Variants in B3GLCT observed in about 807,000 individuals in gnomAD.
The protein encoded by B3GLCT is beta-1,3-glucosyltransferase.
Under a neutral mutation model 63.4 loss-of-function variants are expected in B3GLCT, and 65 were observed. The observed-to-expected ratio is 1.03, with a 90% confidence interval of 0.84 to 1.26. B3GLCT has a LOEUF of 1.26. Ranked by LOEUF, B3GLCT falls within the 50% of genes most tolerant of loss-of-function variation. The probability of loss-of-function intolerance (pLI) is 0.00; values close to 1 mark genes in which losing one functional copy is unlikely to be tolerated. For synonymous variants in B3GLCT, 233 were observed against 219.2 expected (o/e 1.06, Z -0.55); for missense variants, 577 against 604.8 (o/e 0.95, Z 0.48).
intron 10 of B3GLCT, among the ~76,000 whole-genome samples, chr13:31,278,248 T>C (rs9543390): frequency 0.22 from 33,131 of 152,014 alleles, 3,646 homozygotes; most frequent in East Asian, 0.24. Flanking sequence ...CCCTGTTGTA[T>C]TTTTTATATT....
chr13:31,288,710 T>C (rs1273287795), intron 12 of B3GLCT, among the ~76,000 whole-genome samples: 1 of 152,168 alleles, frequency 6.6e-6, no homozygotes, highest in Non-Finnish European at 1.5e-5. Context: ...CAAGGTGTCT[T>C]ACTTAACCAA....
chr13:31,240,476 TTC>T (rs1491078987), intron 4 of B3GLCT, among the ~76,000 whole-genome samples: 2 of 80,722 alleles, frequency 2.5e-5, no homozygotes, highest in African/African-American at 7.2e-5. Flanking sequence ...AGTTTTTTTT[TTC>T]TTTTTTTTTT....
At chr13:31,223,019 G>A in intron 3 of B3GLCT, 28 bp downstream of exon 3, 1 of 1,350,414 alleles carries the variant, frequency 7.4e-7, no homozygotes, top group Middle Eastern at 1.8e-4. Flanking sequence ...TTACCTAAGA[G>A]TGTGTACTTA....
rs11339832 is a variant in B3GLCT at position 31,285,604 on chromosome 13, TAAAAAAAAA to T, written c.964+861_964+869del. ...TTTGTTCCCCATGCCCTTTTATGAG[TAAAAAAAAA>T]AAAAAAAAAAAAAAAAAGTAGCAAA... On this transcript the variant is annotated intron_variant, in intron 11 of 14. Transcript: ENST00000343307. Among the ~76,000 whole-genome samples the T allele has an allele frequency of 4.2e-3, 352 of 84,220 alleles. 1 individual carries two copies. Among genetic ancestry groups the T allele is most frequent in the African/African-American group, 0.015 (333 of 22,566 alleles). The allele number at this position is 84,220 out of a possible 152,430, so 55.3% of individuals were successfully genotyped here. A position where few individuals can be genotyped will look rare whatever the true frequency, so the allele number is the denominator to read the frequency against.
At chr13:31,294,205 G>T (rs995978490) in intron 12 of B3GLCT, among the ~76,000 whole-genome samples, 70 of 152,170 alleles carry the variant, frequency 4.6e-4, no homozygotes, top group African/African-American at 1.7e-3. Flanking sequence ...ACTTCCCTTT[G>T]TGGGTGACCC....
intron 4 of B3GLCT, among the ~76,000 whole-genome samples, chr13:31,238,524 T>G (rs1870768229): frequency 6.6e-6 from 1 of 152,252 alleles, no homozygotes; most frequent in Non-Finnish European, 1.5e-5. Context: ...TAAGTTGCTC[T>G]GTCACAAAGG....
chr13:31,231,594 A>G (rs925852897), intron 4 of B3GLCT, among the ~76,000 whole-genome samples: 7 of 152,040 alleles, frequency 4.6e-5, no homozygotes, highest in Non-Finnish European at 8.8e-5. Flanking sequence ...TTCTGTGCAA[A>G]TGGATATTCA....
intron 7 of B3GLCT, among the ~76,000 whole-genome samples, chr13:31,267,739 A>G (rs1872395761): frequency 6.6e-6 from 1 of 152,222 alleles, no homozygotes; most frequent in South Asian, 2.1e-4. Flanking sequence ...TCAGAAGTGA[A>G]TTTTTATAGA....
At position 31,229,166 on chromosome 13, in the gene B3GLCT, C is replaced by G. The variant is rs377736994; in HGVS notation, c.161-19C>G. The stretch of plus-strand genomic sequence containing the variant: ...TTTTGTAAAAAGAAATACCTGAAAA[C>G]TATTTTTTTTTGTTCTAGACTTAAA... On this transcript the variant is annotated intron_variant, in intron 3 of 14. Transcript: ENST00000343307. 2 of 1,471,146 alleles carry G rather than the reference C, an allele frequency of 1.4e-6. No homozygotes were observed. The highest frequency in any genetic ancestry group is 1.9e-6 in the Non-Finnish European group (2 of 1,053,352). The allele number at this position is 1,471,146 out of a possible 1,614,324, so 91.1% of individuals were successfully genotyped here.
At chr13:31,253,198 G>A (rs1405735715) in intron 6 of B3GLCT, among the ~76,000 whole-genome samples, 1 of 152,142 alleles carries the variant, frequency 6.6e-6, no homozygotes, top group Non-Finnish European at 1.5e-5. Flanking sequence ...GACTCTCTGG[G>A]ACACATTTAA....
intron 1 of B3GLCT, among the ~76,000 whole-genome samples, chr13:31,205,814 C>T (rs913362193): frequency 2.0e-5 from 3 of 152,164 alleles, no homozygotes; most frequent in Non-Finnish European, 2.9e-5. Flanking sequence ...CAGTCTTTAT[C>T]TACATATATC....
chr13:31,230,428 T>C lies in B3GLCT; in HGVS notation c.270+1134T>C, dbSNP rs186225598. 3.2e-4 allele frequency among the ~76,000 whole-genome samples: 49 copies of C among 152,362 alleles called. No individual in the cohort carries two copies. In the East Asian group the frequency reaches 9.4e-3, roughly 29 times the overall value. ...GACATATGTGCGTGACAGATTGTTT[T>C]CTTTCTCTTCATGGGTATTGGAAAA... On this transcript the variant is annotated intron_variant, in intron 4 of 14. Transcript: ENST00000343307.
chr13:31,276,672 T>G, intron 9 of B3GLCT, 30 bp from the exon 10 acceptor site: 1 of 1,371,148 alleles, frequency 7.3e-7, no homozygotes, highest in East Asian at 2.3e-5. Context: ...GACTCACATA[T>G]GCATACATTT....
At chr13:31,317,883 G>A (rs1875133946) in intron 13 of B3GLCT, among the ~76,000 whole-genome samples, 198 bp downstream of exon 13, 1 of 102,912 alleles carries the variant, frequency 9.7e-6, no homozygotes, top group Admixed American at 9.6e-5. Flanking sequence ...AGCCCTTGAA[G>A]AAATGATATA....
chr13:31,258,751 A>G (rs1871868450), intron 6 of B3GLCT, among the ~76,000 whole-genome samples: 1 of 152,098 alleles, frequency 6.6e-6, no homozygotes, highest in Admixed American at 6.6e-5. Flanking sequence ...CAGTGTTACC[A>G]TTATGTGCCT....
chr13:31,235,080 A>T (rs1267191620), intron 4 of B3GLCT, among the ~76,000 whole-genome samples: 1 of 151,934 alleles, frequency 6.6e-6, no homozygotes, highest in Non-Finnish European at 1.5e-5. Flanking sequence ...AGGGCCATGG[A>T]TCTGGCTGGG....
At chr13:31,240,603 A>T (rs1373805488) in intron 4 of B3GLCT, among the ~76,000 whole-genome samples, 1 of 151,040 alleles carries the variant, frequency 6.6e-6, no homozygotes, top group East Asian at 1.9e-4. Flanking sequence ...TAATTTCAGA[A>T]TTTTTTTTTA....
intron 4 of B3GLCT, among the ~76,000 whole-genome samples, chr13:31,229,844 A>AT (rs1566051648): frequency 1.3e-5 from 2 of 149,956 alleles, no homozygotes; most frequent in African/African-American, 4.9e-5. Flanking sequence ...TATATATATA[A>AT]AAATATATAT....
chr13:31,247,087 C>T lies in B3GLCT; in HGVS notation c.335C>T (p.Pro112Leu), dbSNP rs372324692. The change falls in exon 5 of 15, where the codon CCG becomes CTG. Residue 112 changes from proline (P) to leucine (L), a missense_variant. By Grantham distance (98) the Pro-to-Leu change is moderately conservative. Coordinates refer to ENST00000343307, the MANE Select transcript of B3GLCT (RefSeq NM_194318.4). ...CAAGAAGGTGCATGGACCATACTTC[C>T]GTTGTTACCGCAGTACGTTTGTTTA... ...AKQEGAWTIL[P>L]LLPHFSVTYS... The T allele has an allele frequency of 4.0e-5, 65 of 1,612,888 alleles. No individual in the cohort carries two copies. Among genetic ancestry groups the T allele is most frequent in the Middle Eastern group, 1.7e-4 (1 of 6,058 alleles).
Sources: gnomAD v4.1 joint callset for allele counts (sites outside exome capture counted in the v4.1 genomes callset) on GRCh38, gnomAD v4.1.1 for gene constraint, MANE v1.5 for transcripts, NCBI Gene and HGNC (gene_info 2026-07-23, HGNC 2026-07-21) for gene names.